Variants in ANO4 observed in about 807,000 individuals in gnomAD.
ANO4 encodes anoctamin-4.
ANO4 carries 69 observed loss-of-function variants against 141.9 expected under a neutral mutation model. That is an observed-to-expected ratio of 0.49 (90% CI 0.40 to 0.59). ANO4 has a LOEUF of 0.59. Among genes scored for constraint, ANO4 ranks in the 20% least tolerant of loss-of-function variants. ANO4 has a pLI of 0.00. For missense variants in ANO4, 894 were observed against 1,162.2 expected (o/e 0.77, Z 3.36); for synonymous variants, 350 against 394.3 (o/e 0.89, Z 1.33).
chr12:100,775,693 G>A (rs1179221853), intron 3 of ANO4, among the ~76,000 whole-genome samples: 1 of 152,146 alleles, frequency 6.6e-6, no homozygotes, highest in Non-Finnish European at 1.5e-5. Context: ...GTAGTAAAAG[G>A]ATGAGAAATA....
intron 17 of ANO4, among the ~76,000 whole-genome samples, chr12:101,088,002 C>G (rs1310894043): frequency 6.6e-6 from 1 of 152,178 alleles, no homozygotes; most frequent in African/African-American, 2.4e-5. Context: ...GAGCTTCTTA[C>G]ATGTAAGTCA....
intron 1 of ANO4, among the ~76,000 whole-genome samples, chr12:100,811,264 A>G (rs2035417681): frequency 6.6e-6 from 1 of 152,184 alleles, no homozygotes; most frequent in Non-Finnish European, 1.5e-5. Flanking sequence ...AGCTAAAATC[A>G]AGAGAAAGGG....
At chr12:100,843,298 AT>A (rs2135819167) in intron 1 of ANO4, among the ~76,000 whole-genome samples, 1 of 152,314 alleles carries the variant, frequency 6.6e-6, no homozygotes, top group African/African-American at 2.4e-5. Flanking sequence ...ATAAGAAATT[AT>A]TGTCAAGCTA....
intron 10 of ANO4, chr12:101,038,650 C>A (rs953792256): frequency 2.6e-5 from 4 of 152,150 alleles, no homozygotes; most frequent in African/African-American, 9.7e-5. Flanking sequence ...TATTGCTGCT[C>A]TTGTTTCACG....
chr12:100,922,838 G>A (rs538268948), intron 3 of ANO4, among the ~76,000 whole-genome samples: 8 of 152,100 alleles, frequency 5.3e-5, no homozygotes, highest in Non-Finnish European at 1.2e-4. Context: ...AGTAATCAAG[G>A]TTTGCTCTTC....
intron 1 of ANO4, among the ~76,000 whole-genome samples, chr12:100,857,309 A>G (rs892157612): frequency 2.6e-5 from 4 of 152,298 alleles, no homozygotes; most frequent in Admixed American, 6.5e-5. Flanking sequence ...GCAGAATCAG[A>G]TATTTTTTTG....
intron 1 of ANO4, among the ~76,000 whole-genome samples, chr12:100,893,415 G>GT (rs1391341071): frequency 1.3e-5 from 2 of 151,950 alleles, no homozygotes; most frequent in Non-Finnish European, 2.9e-5. Context: ...TTTGTTCAGA[G>GT]TTTTTTCAGG....
intron 14 of ANO4, among the ~76,000 whole-genome samples, chr12:101,057,617 A>G (rs1163494076): frequency 1.3e-5 from 2 of 152,180 alleles, no homozygotes; most frequent in African/African-American, 4.8e-5. Flanking sequence ...ATGACCAGTG[A>G]TGATGAGCTT....
chr12:100,725,416 T>G (rs576041552), intron 1 of ANO4, among the ~76,000 whole-genome samples: 7 of 149,358 alleles, frequency 4.7e-5, no homozygotes, highest in South Asian at 2.1e-4. Context: ...GCGCGATCTC[T>G]GCTCACTGCA....
intron 5 of ANO4, among the ~76,000 whole-genome samples, chr12:100,962,807 G>A (rs1238440362): frequency 6.6e-6 from 1 of 151,996 alleles, no homozygotes; most frequent in Non-Finnish European, 1.5e-5. Context: ...TAATGCATTC[G>A]GCCCAATCCA....
chr12:100,879,262 C>T (rs1593610320), intron 1 of ANO4, among the ~76,000 whole-genome samples: 1 of 152,214 alleles, frequency 6.6e-6, no homozygotes, highest in Non-Finnish European at 1.5e-5. Flanking sequence ...CTCAATTTAG[C>T]TTTTTTATTT....
At chr12:100,785,114 A>G (rs1208861683) in intron 3 of ANO4, among the ~76,000 whole-genome samples, 3 of 152,174 alleles carry the variant, frequency 2.0e-5, no homozygotes, top group Admixed American at 1.3e-4. Context: ...GGTTTACAGC[A>G]TAGTTGAGAT....
intron 3 of ANO4, among the ~76,000 whole-genome samples, chr12:100,744,064 T>C (rs1306079007): frequency 2.0e-5 from 3 of 152,304 alleles, no homozygotes; most frequent in South Asian, 4.2e-4. Context: ...CCCAGCTGCA[T>C]ACTGATGCCC....
At chr12:100,991,610 C>T (rs1028395328) in intron 8 of ANO4, among the ~76,000 whole-genome samples, 3 of 151,138 alleles carry the variant, frequency 2.0e-5, no homozygotes, top group African/African-American at 2.4e-5. Context: ...GATTTTCCAA[C>T]CTCCACCCCC....
Position 101,001,026 on chromosome 12 carries a change from GATGTATATTTATGTGTGC to G in ANO4, c.734+13385_734+13402del, listed in dbSNP as rs1234647819. 1.9e-3 allele frequency among the ~76,000 whole-genome samples: 292 copies of G among 152,184 alleles called. 2 individuals carry two copies. The highest frequency in any genetic ancestry group is 6.4e-3 in the African/African-American group (266 of 41,508). ...AATAGAAAAATATATACAATATGTTGATGTATATTTATGTGTGCATGTATATTTATGTGTGCATGTATA... is the reference window on the plus strand; with the variant it reads ...AATAGAAAAATATATACAATATGTTGATGTATATTTATGTGTGCATGTATA... On this transcript the variant is annotated intron_variant, in intron 8 of 27. Coordinates refer to ENST00000392977, the MANE Select transcript of ANO4 (RefSeq NM_001286615.2).
chr12:101,085,684 T>C (rs541383391), intron 16 of ANO4, among the ~76,000 whole-genome samples: 21 of 152,156 alleles, frequency 1.4e-4, no homozygotes, highest in Non-Finnish European at 2.2e-4. Flanking sequence ...TGCTGTATTG[T>C]TCTCAAATGC....
chr12:100,778,218 C>T (rs1255624151), intron 3 of ANO4, among the ~76,000 whole-genome samples: 1 of 152,048 alleles, frequency 6.6e-6, no homozygotes, highest in Non-Finnish European at 1.5e-5. Context: ...TGCACCCGGC[C>T]GATAATGCTT....
intron 1 of ANO4, among the ~76,000 whole-genome samples, chr12:100,876,399 A>G (rs2135942724): frequency 6.6e-6 from 1 of 152,150 alleles, no homozygotes; most frequent in Non-Finnish European, 1.5e-5. Flanking sequence ...AGCTGAAAAG[A>G]GGAGAGCTGC....
At chr12:100,727,467 C>T (rs1248756340) in intron 1 of ANO4, among the ~76,000 whole-genome samples, 1 of 152,110 alleles carries the variant, frequency 6.6e-6, no homozygotes, top group Non-Finnish European at 1.5e-5. Flanking sequence ...AAGCCTTTTT[C>T]CTAAAAGTAA....
Sources: gnomAD v4.1 joint callset for allele counts (sites outside exome capture counted in the v4.1 genomes callset) on GRCh38, gnomAD v4.1.1 for gene constraint, MANE v1.5 for transcripts, NCBI Gene and HGNC (gene_info 2026-07-23, HGNC 2026-07-21) for gene names.